The following LRRC37B variants were observed in gnomAD, a reference collection of about 807,000 sequenced individuals.
LRRC37B encodes the protein leucine-rich repeat-containing protein 37B.
LRRC37B carries 28 observed loss-of-function variants against 98.3 expected under a neutral mutation model. That is an observed-to-expected ratio of 0.28 (90% CI 0.21 to 0.39). LRRC37B has a LOEUF of 0.39. Ranked by LOEUF, LRRC37B falls within the 10% of genes least tolerant of loss-of-function variation. The probability of loss-of-function intolerance (pLI) is 1.00; values close to 1 mark genes in which losing one functional copy is unlikely to be tolerated. For missense variants in LRRC37B, 938 were observed against 1,182.7 expected (o/e 0.79, Z 3.03); for synonymous variants, 364 against 442.7 (o/e 0.82, Z 2.23).
intron 5 of LRRC37B, among the ~76,000 whole-genome samples, chr17:32,034,611 G>A (rs563898732): frequency 4.7e-4 from 71 of 150,324 alleles, no homozygotes; most frequent in African/African-American, 1.5e-3. Context: ...TACCAACATT[G>A]TCATTTCTAG....
Position 32,031,478 on chromosome 17 carries a change from A to T in LRRC37B, c.2057+20A>T. ...CAACTTGTAAGTGAAATAGAAGATGAATACGTGTAAACGACTATTTTGTAT... is the reference window on the plus strand; with the variant it reads ...CAACTTGTAAGTGAAATAGAAGATGTATACGTGTAAACGACTATTTTGTAT... On this transcript the variant is annotated intron_variant, in intron 5 of 11. Transcript: ENST00000327564. 1 of 829,674 alleles carries T rather than the reference A, an allele frequency of 1.2e-6. No homozygotes were observed. The allele number at this position is 829,674 out of a possible 1,614,324, so 51.4% of individuals were successfully genotyped here.
At chr17:32,025,030 G>GTTTTTTTTT (rs772444987) in intron 2 of LRRC37B, among the ~76,000 whole-genome samples, 7 of 69,918 alleles carry the variant, frequency 1.0e-4, no homozygotes, top group African/African-American at 2.2e-4. Flanking sequence ...TTTTTTCCTC[G>GTTTTTTTTT]TTTTTTTTTT....
rs184412305 is a variant in LRRC37B at position 32,041,982 on chromosome 17, G to T, written c.2205-3718G>T. ...TCCCTGTGGGGTGGCTCAGAGACAG[G>T]ACCCTGGTTTTAAATCCCTCCACAA... is the stretch of plus-strand genomic sequence containing the variant. On this transcript the variant is annotated intron_variant, in intron 7 of 11. Coordinates refer to ENST00000327564, the Ensembl canonical transcript of LRRC37B. 1.5e-4 allele frequency: 53 copies of T among 363,666 alleles called. No individual in the cohort carries two copies. In the East Asian group the frequency reaches 3.2e-3, roughly 22 times the overall value. The allele number at this position is 363,666 out of a possible 1,614,324, so 22.5% of individuals were successfully genotyped here. A position where few individuals can be genotyped will look rare whatever the true frequency, so the allele number is the denominator to read the frequency against.
At chr17:32,051,491 A>AAAAAAAAAG (rs1202002351) in intron 11 of LRRC37B, 4 of 151,780 alleles carry the variant, frequency 2.6e-5, no homozygotes, top group African/African-American at 9.7e-5. Flanking sequence ...AAAAAAAAAA[A>AAAAAAAAAG]AAAAAAAAGA....
chr17:32,046,095 T>C (rs146562260), intron 8 of LRRC37B, among the ~76,000 whole-genome samples: 3,322 of 150,286 alleles, frequency 0.022, no homozygotes, highest in African/African-American at 0.079. Context: ...ACACACTGTG[T>C]ACTGTGCTCT....
At chr17:32,053,318 C>T in exon 12 of LRRC37B, 1 of 1,608,344 alleles carries the variant, frequency 6.2e-7, no homozygotes. Context: ...CCATCAATAT[C>T]AGGAGCCTGA....
intron 2 of LRRC37B, among the ~76,000 whole-genome samples, chr17:32,026,917 G>A (rs1458487858): frequency 2.0e-5 from 3 of 152,200 alleles, no homozygotes; most frequent in Admixed American, 6.5e-5. Context: ...TTGGCCAGGT[G>A]AGGTGGCTCA....
intron 5 of LRRC37B, among the ~76,000 whole-genome samples, chr17:32,033,748 T>A (rs1911170302): frequency 6.6e-6 from 1 of 152,254 alleles, no homozygotes; most frequent in African/African-American, 2.4e-5. Flanking sequence ...CTTTTATTTC[T>A]TCCTGTTTCT....
At chr17:32,012,010 A>G (rs888440965) in intron 1 of LRRC37B, among the ~76,000 whole-genome samples, 5 of 152,190 alleles carry the variant, frequency 3.3e-5, no homozygotes, top group Non-Finnish European at 7.3e-5. Context: ...GTTAGAGACC[A>G]TACTTGGTAT....
exon 10 of LRRC37B, chr17:32,049,158 G>C (rs1911674718): frequency 6.2e-7 from 1 of 1,613,964 alleles, no homozygotes; most frequent in Non-Finnish European, 8.5e-7. Flanking sequence ...CCCCAACGAG[G>C]ATGTGAGAAA....
chr17:32,023,929 T>A (rs1910874889), intron 1 of LRRC37B, among the ~76,000 whole-genome samples: 1 of 152,090 alleles, frequency 6.6e-6, no homozygotes, highest in Admixed American at 6.6e-5. Context: ...CCAGAATCTG[T>A]GGTCCTTGAG....
At chr17:32,047,795 G>A (rs2627098) in exon 9 of LRRC37B, 260 of 1,613,738 alleles carry the variant, frequency 1.6e-4, no homozygotes, top group Non-Finnish European at 1.9e-4. Flanking sequence ...CAGAAGGAGC[G>A]TTCATGAAGA....
chr17:32,022,179 C>T, exon 1 of LRRC37B: 1 of 1,613,674 alleles, frequency 6.2e-7, no homozygotes, highest in East Asian at 2.2e-5. Flanking sequence ...TACAGTCAAA[C>T]CTGCAGATGT....
At chr17:32,021,967 A>T in exon 1 of LRRC37B, 1 of 1,614,068 alleles carries the variant, frequency 6.2e-7, no homozygotes, top group East Asian at 2.2e-5. Context: ...ACCCTTGAAG[A>T]CATCCAGTCC....
At chr17:32,045,787 C>T in exon 8 of LRRC37B, 1 of 1,600,400 alleles carries the variant, frequency 6.2e-7, no homozygotes, top group Non-Finnish European at 8.5e-7. Context: ...TGCATTGCAA[C>T]ACTGCATGTC....
chr17:32,010,838 GA>G (rs1910508826), intron 1 of LRRC37B, among the ~76,000 whole-genome samples: 1 of 152,100 alleles, frequency 6.6e-6, no homozygotes, highest in African/African-American at 2.4e-5. Context: ...CTATCTCCAT[GA>G]AATCAACTTC....
chr17:32,008,093 G>A, exon 1 of LRRC37B: 1 of 427,526 alleles, frequency 2.3e-6, no homozygotes, highest in South Asian at 2.5e-5. Flanking sequence ...CGACGAGGAC[G>A]CCAGTTACTC....
At chr17:32,025,556 A>G (rs1454643779) in intron 2 of LRRC37B, among the ~76,000 whole-genome samples, 2 of 151,960 alleles carry the variant, frequency 1.3e-5, no homozygotes, top group Non-Finnish European at 2.9e-5. Flanking sequence ...ACATCTTGCA[A>G]CTTGATTCTT....
chr17:32,021,295 C>A, exon 1 of LRRC37B: 1 of 1,613,454 alleles, frequency 6.2e-7, no homozygotes. Context: ...CCCTGGTCTT[C>A]CCGCTCCTCC....
Sources: gnomAD v4.1 joint callset for allele counts (sites outside exome capture counted in the v4.1 genomes callset) on GRCh38, gnomAD v4.1.1 for gene constraint, MANE v1.5 for transcripts, NCBI Gene and HGNC (gene_info 2026-07-23, HGNC 2026-07-21) for gene names.